Variants in ZDHHC2 observed in about 807,000 individuals in gnomAD.
ZDHHC2 encodes palmitoyltransferase ZDHHC2.
ZDHHC2 carries 51 observed loss-of-function variants against 55.6 expected under a neutral mutation model. The ratio of observed to expected loss-of-function variants is 0.92; its 90% CI spans 0.73 to 1.16. ZDHHC2 has a LOEUF of 1.16. Among genes scored for constraint, ZDHHC2 ranks in the 50% most tolerant of loss-of-function variants. The probability of loss-of-function intolerance (pLI) is 0.00; values close to 1 mark genes in which losing one functional copy is unlikely to be tolerated. For missense variants in ZDHHC2, 491 were observed against 442.4 expected (o/e 1.11, Z -0.99); for synonymous variants, 199 against 152.9 (o/e 1.30, Z -2.22).
rs925772987 is a variant in ZDHHC2 at position 17,220,958 on chromosome 8, CTT to C, written c.*738_*739del. 3.9e-5 allele frequency: 6 copies of C among 152,156 alleles called. No individual in the cohort carries two copies. The highest frequency in any genetic ancestry group is 1.4e-4 in the African/African-American group (6 of 41,430). 9.4% of individuals were successfully genotyped at this position (152,156 alleles called of 1,614,324 possible). A position where few individuals can be genotyped will look rare whatever the true frequency, so the allele number is the denominator to read the frequency against. ...TTACATCAGAAATATATTTTCATCT[CTT>C]CTTGTTAAATTGGGAGGAAATTTAT... is the stretch of plus-strand genomic sequence containing the variant. On this transcript the variant is annotated 3_prime_UTR_variant, in exon 13 of 13. Transcript: ENST00000262096.
intron 11 of ZDHHC2, among the ~76,000 whole-genome samples, chr8:17,216,424 C>G (rs527451783): frequency 6.6e-6 from 1 of 152,260 alleles, no homozygotes; most frequent in Admixed American, 6.5e-5. Flanking sequence ...TTTGACTATT[C>G]ATAATTTGGT....
intron 6 of ZDHHC2, among the ~76,000 whole-genome samples, chr8:17,201,744 C>G (rs1247974490): frequency 6.6e-6 from 1 of 151,506 alleles, no homozygotes; most frequent in Non-Finnish European, 1.5e-5. Flanking sequence ...GATCCACCCG[C>G]CTCAGCCTCC....
rs539233702 is a variant in ZDHHC2 at position 17,195,424 on chromosome 8, C to T, written c.253-80C>T. 24 of 1,456,604 alleles carry T rather than the reference C, an allele frequency of 1.6e-5. 1 individual carries two copies. The highest frequency in any genetic ancestry group is 2.2e-5 in the Non-Finnish European group (24 of 1,077,642). 90.2% of individuals were successfully genotyped at this position (1,456,604 alleles called of 1,614,324 possible). On this transcript the variant is annotated intron_variant, in intron 3 of 12. Transcript: ENST00000262096. ...ATACCATTAATATTTTATAAATACCCTTTTCCGGGTATGGTAGAGAAGACC... is the reference window on the plus strand; with the variant it reads ...ATACCATTAATATTTTATAAATACCTTTTTCCGGGTATGGTAGAGAAGACC...
chr8:17,192,158 T>A (rs563155871), intron 3 of ZDHHC2, among the ~76,000 whole-genome samples: 174 of 152,202 alleles, frequency 1.1e-3, no homozygotes, highest in South Asian at 1.2e-3. Context: ...TAATTTTTTT[T>A]AATTTTTTGT....
intron 3 of ZDHHC2, among the ~76,000 whole-genome samples, chr8:17,189,829 C>T (rs562691984): frequency 6.6e-6 from 1 of 152,316 alleles, no homozygotes; most frequent in Non-Finnish European, 1.5e-5. Context: ...AAAAGACGTA[C>T]CTTAGTCATA....
intron 2 of ZDHHC2, among the ~76,000 whole-genome samples, chr8:17,185,051 G>C (rs1805640096): frequency 6.6e-6 from 1 of 152,080 alleles, no homozygotes; most frequent in African/African-American, 2.4e-5. Flanking sequence ...TTGAGGTATA[G>C]GGATATCAAC....
At chr8:17,187,306 T>C (rs778905608) in intron 3 of ZDHHC2, among the ~76,000 whole-genome samples, 2 of 152,222 alleles carry the variant, frequency 1.3e-5, no homozygotes, top group African/African-American at 4.8e-5. Flanking sequence ...GAGCAAAGAA[T>C]TGTGTCTCAC....
At position 17,199,390 on chromosome 8, in the gene ZDHHC2, G is replaced by GC. The variant is rs201667200; in HGVS notation, c.476+983dup. Among the ~76,000 whole-genome samples the GC allele has an allele frequency of 3.0e-3, 431 of 145,726 alleles. 4 individuals are homozygous for GC. Among genetic ancestry groups the GC allele is most frequent in the Admixed American group, 0.021 (310 of 14,518 alleles). ...AATTGATACTTGCACTCATTCTTTT[G>GC]CCCCCCTGCCCCCAGTTTTCTTTTC... On this transcript the variant is annotated intron_variant, in intron 6 of 12. Coordinates refer to ENST00000262096, the MANE Select transcript of ZDHHC2 (RefSeq NM_016353.5).
At chr8:17,180,905 T>C (rs1208529335) in intron 1 of ZDHHC2, among the ~76,000 whole-genome samples, 1 of 152,210 alleles carries the variant, frequency 6.6e-6, no homozygotes, top group Non-Finnish European at 1.5e-5. Flanking sequence ...CCTGTGAACT[T>C]ATAGACCCTG....
At chr8:17,215,062 C>T (rs1807580402) in intron 10 of ZDHHC2, among the ~76,000 whole-genome samples, 175 bp from the exon 11 acceptor site, 1 of 152,150 alleles carries the variant, frequency 6.6e-6, no homozygotes, top group Non-Finnish European at 1.5e-5. Context: ...ACACTTTTCT[C>T]ACCGCGAGTC....
chr8:17,173,872 T>G (rs1804990818), intron 1 of ZDHHC2, among the ~76,000 whole-genome samples: 1 of 152,044 alleles, frequency 6.6e-6, no homozygotes, highest in African/African-American at 2.4e-5. Context: ...AGAAAGGGTC[T>G]TTAAAGAAAT....
chr8:17,188,154 T>C (rs1805816752), intron 3 of ZDHHC2, among the ~76,000 whole-genome samples: 1 of 152,234 alleles, frequency 6.6e-6, no homozygotes, highest in Admixed American at 6.5e-5. Context: ...ATCATCTACT[T>C]TTTGCAATGT....
In ZDHHC2 at chr8:17,223,396, C is replaced by T; in HGVS notation, c.*3175C>T. 6.6e-6 allele frequency: 1 copy of T among 152,016 alleles called. No homozygotes were observed. Among genetic ancestry groups the T allele is most frequent in the East Asian group, 1.9e-4 (1 of 5,192 alleles). 9.4% of individuals were successfully genotyped at this position (152,016 alleles called of 1,614,324 possible). A position where few individuals can be genotyped will look rare whatever the true frequency, so the allele number is the denominator to read the frequency against. On this transcript the variant is annotated 3_prime_UTR_variant, in exon 13 of 13. Transcript: ENST00000262096. Reference sequence around the variant, plus strand: ...TCTGTGAATATTTTCACCAAAGTGACATTTAAACAAGTGGATTTTTCACAA... The same window carrying T: ...TCTGTGAATATTTTCACCAAAGTGATATTTAAACAAGTGGATTTTTCACAA...
chr8:17,222,849 A>T lies in ZDHHC2; in HGVS notation c.*2628A>T, dbSNP rs570381863. On this transcript the variant is annotated 3_prime_UTR_variant, in exon 13 of 13. Transcript: ENST00000262096. The stretch of plus-strand genomic sequence containing the variant: ...ACTAATGGCAAAATTCATGTCTTCA[A>T]TGTGGCCATAACATAGGTCTTGGGA... 1 of 151,926 alleles carries T rather than the reference A, an allele frequency of 6.6e-6. No homozygotes were observed. The highest frequency in any genetic ancestry group is 1.9e-4 in the East Asian group (1 of 5,196). The allele number at this position is 151,926 out of a possible 1,614,324, so 9.4% of individuals were successfully genotyped here.
intron 11 of ZDHHC2, 88 bp from the exon 12 acceptor site, chr8:17,217,084 A>T: frequency 7.5e-7 from 1 of 1,333,158 alleles, no homozygotes; most frequent in East Asian, 2.4e-5. Flanking sequence ...AAGTCTACCA[A>T]GGGATTCCTT....
intron 1 of ZDHHC2, among the ~76,000 whole-genome samples, chr8:17,158,204 G>A (rs1395061973): frequency 2.0e-5 from 3 of 152,112 alleles, no homozygotes; most frequent in Non-Finnish European, 4.4e-5. Context: ...TATAGGAAAG[G>A]ACGTGTAGTA....
At position 17,211,705 on chromosome 8, in the gene ZDHHC2, G is replaced by T. The variant is rs140809105; in HGVS notation, c.950+1225G>T. Among the ~76,000 whole-genome samples the T allele has an allele frequency of 2.6e-5, 4 of 152,216 alleles. No individual in the cohort carries two copies. The East Asian group carries it at 7.7e-4, about 29-fold the overall frequency. On this transcript the variant is annotated intron_variant, in intron 10 of 12. Transcript: ENST00000262096. ...AAAGGTATTTGTCACCCCATCCCTA[G>T]AGTGAGCTATGTACAGGCCAGACCC...
chr8:17,179,592 G>A (rs980266962), intron 1 of ZDHHC2, among the ~76,000 whole-genome samples: 3 of 151,944 alleles, frequency 2.0e-5, no homozygotes, highest in African/African-American at 7.3e-5. Context: ...AAGTTTATTT[G>A]TAGAGACACA....
chr8:17,197,925 T>G (rs1490486693), intron 5 of ZDHHC2, among the ~76,000 whole-genome samples: 1 of 152,226 alleles, frequency 6.6e-6, no homozygotes, highest in Non-Finnish European at 1.5e-5. Flanking sequence ...AATACTTCTA[T>G]GAGTGTTTTC....
Sources: allele counts gnomAD v4.1 joint callset (sites outside exome capture counted in the v4.1 genomes callset), GRCh38; gene constraint gnomAD v4.1.1; transcripts MANE v1.5; gene names NCBI Gene and HGNC (gene_info 2026-07-23, HGNC 2026-07-21).